Variants in CNTNAP5 observed in about 807,000 individuals in gnomAD.
The protein encoded by CNTNAP5 is contactin-associated protein-like 5.
Under a neutral mutation model 150.2 loss-of-function variants are expected in CNTNAP5, and 72 were observed. The observed-to-expected ratio is 0.48, with a 90% confidence interval of 0.40 to 0.58. The LOEUF (loss-of-function observed/expected upper bound fraction) is 0.58. Among genes scored for constraint, CNTNAP5 ranks in the 20% least tolerant of loss-of-function variants. The pLI, the probability that CNTNAP5 is intolerant of heterozygous loss-of-function variation, is 0.00. For missense variants in CNTNAP5, 1,636 were observed against 1,626.2 expected (o/e 1.01, Z -0.10); for synonymous variants, 672 against 619.8 (o/e 1.08, Z -1.25).
intron 1 of CNTNAP5, among the ~76,000 whole-genome samples, chr2:124,133,819 T>C (rs575551200): frequency 1.3e-5 from 2 of 152,332 alleles, no homozygotes; most frequent in East Asian, 3.9e-4. Context: ...TGTGTGTCCA[T>C]GTCCTAGCAC....
rs1199681552 is a variant in CNTNAP5 at position 124,647,677 on chromosome 2, G to A, written c.1877-81G>A. 4 of 1,281,680 alleles carry A rather than the reference G, an allele frequency of 3.1e-6. No individual in the cohort carries two copies. The East Asian group carries it at 7.5e-5, about 24-fold the overall frequency. The allele number at this position is 1,281,680 out of a possible 1,614,324, so 79.4% of individuals were successfully genotyped here. On this transcript the variant is annotated intron_variant, in intron 12 of 23. Transcript: ENST00000682447. Reference sequence around the variant, plus strand: ...AGTGTTGATTAATGTTGCACGCTGAGTGGCCCATCACACTGCTCACATGCT... The same window carrying A: ...AGTGTTGATTAATGTTGCACGCTGAATGGCCCATCACACTGCTCACATGCT...
chr2:124,300,526 A>G (rs955259201), intron 3 of CNTNAP5, among the ~76,000 whole-genome samples: 6 of 152,174 alleles, frequency 3.9e-5, no homozygotes, highest in Admixed American at 2.0e-4. Flanking sequence ...GAGGAAGAAG[A>G]GCGTAAGAAT....
At chr2:124,598,734 TC>T (rs1312518865) in intron 11 of CNTNAP5, among the ~76,000 whole-genome samples, 1 of 152,004 alleles carries the variant, frequency 6.6e-6, no homozygotes, top group Non-Finnish European at 1.5e-5. Flanking sequence ...CGGGCGCCCC[TC>T]CCCCAGCCTC....
chr2:124,775,359 T>C (rs1185256874), intron 17 of CNTNAP5, among the ~76,000 whole-genome samples: 1 of 152,210 alleles, frequency 6.6e-6, no homozygotes, highest in East Asian at 1.9e-4. Context: ...TGGATATTTA[T>C]ATTTGCTAGG....
At chr2:124,406,267 A>T (rs1438188443) in intron 3 of CNTNAP5, among the ~76,000 whole-genome samples, 1 of 152,332 alleles carries the variant, frequency 6.6e-6, no homozygotes, top group Non-Finnish European at 1.5e-5. Flanking sequence ...TGTGGACTTT[A>T]AACTAATGTA....
chr2:124,818,869 A>G (rs1265049589), intron 19 of CNTNAP5, among the ~76,000 whole-genome samples: 1 of 152,186 alleles, frequency 6.6e-6, no homozygotes, highest in Non-Finnish European at 1.5e-5. Flanking sequence ...ACCTACTGTC[A>G]TAGGCCTGGC....
chr2:124,711,410 C>T (rs984241642), intron 13 of CNTNAP5, among the ~76,000 whole-genome samples: 2 of 152,152 alleles, frequency 1.3e-5, no homozygotes, highest in African/African-American at 4.8e-5. Context: ...CCTTTATATG[C>T]TACTTCCATA....
chr2:124,132,304 G>T (rs1683870695), intron 1 of CNTNAP5, among the ~76,000 whole-genome samples: 1 of 152,146 alleles, frequency 6.6e-6, no homozygotes, highest in Non-Finnish European at 1.5e-5. Flanking sequence ...AAATCCTTTT[G>T]TTGGCTTCAT....
intron 13 of CNTNAP5, among the ~76,000 whole-genome samples, chr2:124,724,144 A>AAATAATAATAATAATAAT (rs60984074): frequency 3.3e-4 from 48 of 145,732 alleles, no homozygotes; most frequent in African/African-American, 1.2e-3. Flanking sequence ...ACTCCATCTC[A>AAATAATAATAATAATAAT]AATAATAATA....
chr2:124,190,939 A>G (rs1685444040), intron 1 of CNTNAP5, among the ~76,000 whole-genome samples: 1 of 152,102 alleles, frequency 6.6e-6, no homozygotes, highest in Admixed American at 6.5e-5. Flanking sequence ...ATTCTCTGGG[A>G]GGATACCACT....
At chr2:124,814,264 C>T (rs1315110850) in intron 19 of CNTNAP5, among the ~76,000 whole-genome samples, 5 of 150,872 alleles carry the variant, frequency 3.3e-5, no homozygotes, top group African/African-American at 1.2e-4. Flanking sequence ...TTTCCTGCCT[C>T]CATTCCCTCC....
At chr2:124,434,456 T>G (rs757811386) in intron 4 of CNTNAP5, 28 bp from the exon 5 acceptor site, 8 of 1,568,386 alleles carry the variant, frequency 5.1e-6, no homozygotes, top group Non-Finnish European at 6.2e-6. Flanking sequence ...GCACTAATTT[T>G]TCTTTCCCGC....
At chr2:124,345,652 T>G (rs1446828628) in intron 3 of CNTNAP5, among the ~76,000 whole-genome samples, 4 of 152,154 alleles carry the variant, frequency 2.6e-5, no homozygotes, top group Admixed American at 2.0e-4. Flanking sequence ...TTCAAAAAAG[T>G]TTTAATCTTG....
chr2:124,252,085 G>T (rs900398103), intron 3 of CNTNAP5, among the ~76,000 whole-genome samples: 1 of 152,170 alleles, frequency 6.6e-6, no homozygotes, highest in Non-Finnish European at 1.5e-5. Context: ...ACACTTTCAT[G>T]CCTGGGCATC....
intron 10 of CNTNAP5, among the ~76,000 whole-genome samples, chr2:124,555,773 G>A (rs1046063654): frequency 3.3e-5 from 5 of 152,178 alleles, no homozygotes; most frequent in Admixed American, 6.5e-5. Context: ...CAGGGCAGGG[G>A]CAAAGGCTGT....
intron 3 of CNTNAP5, among the ~76,000 whole-genome samples, chr2:124,414,635 G>A (rs1691870387): frequency 6.6e-6 from 1 of 152,108 alleles, no homozygotes; most frequent in Non-Finnish European, 1.5e-5. Context: ...CTCCTATAAA[G>A]CATTGCCAGG....
chr2:124,629,951 A>AACAAAAC (rs1677814259), intron 12 of CNTNAP5, among the ~76,000 whole-genome samples: 1 of 148,794 alleles, frequency 6.7e-6, no homozygotes, highest in Non-Finnish European at 1.5e-5. Flanking sequence ...AAAAAAAAAA[A>AACAAAAC]AAAACTGGAA....
intron 1 of CNTNAP5, among the ~76,000 whole-genome samples, chr2:124,060,247 T>C (rs1289809806): frequency 1.3e-5 from 2 of 152,180 alleles, no homozygotes; most frequent in African/African-American, 4.8e-5. Context: ...TATGAAGATA[T>C]CTGTCATGAT....
chr2:124,104,486 A>G (rs1443011398), intron 1 of CNTNAP5, among the ~76,000 whole-genome samples: 1 of 152,006 alleles, frequency 6.6e-6, no homozygotes, highest in Non-Finnish European at 1.5e-5. Flanking sequence ...TTAACACTCC[A>G]TATTCTGCCT....
Sources: gnomAD v4.1 joint callset for allele counts (sites outside exome capture counted in the v4.1 genomes callset) on GRCh38, gnomAD v4.1.1 for gene constraint, MANE v1.5 for transcripts, NCBI Gene and HGNC (gene_info 2026-07-23, HGNC 2026-07-21) for gene names.